CNTNAP2: variants seen among roughly 807,000 people sequenced by gnomAD.
The protein encoded by CNTNAP2 is contactin associated protein 2, also known as contactin-associated protein-like 2.
In CNTNAP2, 98 loss-of-function variants were observed where a neutral mutation model predicts 155.2. That is an observed-to-expected ratio of 0.63 (90% confidence interval 0.54 to 0.75). CNTNAP2 has a LOEUF of 0.75. Ranked by LOEUF, CNTNAP2 falls within the 30% of genes least tolerant of loss-of-function variation. The pLI, the probability that CNTNAP2 is intolerant of heterozygous loss-of-function variation, is 0.00. For missense variants in CNTNAP2, 1,727 were observed against 1,688.1 expected (o/e 1.02, Z -0.40); for synonymous variants, 651 against 631.2 (o/e 1.03, Z -0.47).
chr7:146,932,724 G>A (rs1796805084), intron 3 of CNTNAP2, among the ~76,000 whole-genome samples: 2 of 152,130 alleles, frequency 1.3e-5, no homozygotes, highest in Admixed American at 6.6e-5. Flanking sequence ...AAGCTGATAA[G>A]CAACTTCAGC....
chr7:147,157,430 C>T (rs780499639), intron 8 of CNTNAP2, among the ~76,000 whole-genome samples: 6 of 152,200 alleles, frequency 3.9e-5, no homozygotes, highest in Non-Finnish European at 7.4e-5. Flanking sequence ...ACTGTTTTTG[C>T]AAAGGCCAGT....
At chr7:147,995,531 TG>T (rs66935506) in intron 15 of CNTNAP2, among the ~76,000 whole-genome samples, 58,036 of 144,390 alleles carry the variant, frequency 0.4, 12,698 homozygotes, top group East Asian at 0.79. Flanking sequence ...ATTCTTTTGT[TG>T]TTTTTTTTTT....
intron 1 of CNTNAP2, among the ~76,000 whole-genome samples, chr7:146,146,581 C>T (rs976079634): frequency 5.9e-5 from 9 of 151,876 alleles, no homozygotes; most frequent in East Asian, 1.9e-4. Context: ...TTAGCATATG[C>T]GTTTGTCTTT....
chr7:146,898,420 C>A (rs1405398394), intron 3 of CNTNAP2, among the ~76,000 whole-genome samples: 1 of 151,666 alleles, frequency 6.6e-6, no homozygotes, highest in Non-Finnish European at 1.5e-5. Flanking sequence ...ATTTTCTGAA[C>A]ATTTGCTTTC....
chr7:146,498,681 CA>C (rs35142261), intron 1 of CNTNAP2, among the ~76,000 whole-genome samples: 63,710 of 140,100 alleles, frequency 0.45, 14,888 homozygotes, highest in African/African-American at 0.67. Flanking sequence ...AAGAAAGTTG[CA>C]AAAAAAAAAA....
intron 1 of CNTNAP2, among the ~76,000 whole-genome samples, chr7:146,708,351 A>C (rs1450648478): frequency 6.6e-6 from 1 of 152,038 alleles, no homozygotes; most frequent in Non-Finnish European, 1.5e-5. Flanking sequence ...ATAATCAATA[A>C]GGTAACCACT....
At chr7:148,113,662 C>T (rs1037427393) in intron 15 of CNTNAP2, among the ~76,000 whole-genome samples, 2 of 152,226 alleles carry the variant, frequency 1.3e-5, no homozygotes, top group African/African-American at 4.8e-5. Context: ...TTTGCAGGCT[C>T]AGCCCCGCTC....
At chr7:147,294,559 T>C (rs1805387177) in intron 8 of CNTNAP2, among the ~76,000 whole-genome samples, 1 of 152,338 alleles carries the variant, frequency 6.6e-6, no homozygotes, top group African/African-American at 2.4e-5. Flanking sequence ...GTGAAATTTA[T>C]GATCTCCACA....
chr7:146,931,498 C>T (rs375499148), intron 3 of CNTNAP2, among the ~76,000 whole-genome samples: 7,307 of 141,220 alleles, frequency 0.052, 451 homozygotes, highest in African/African-American at 0.14. Flanking sequence ...AGATCCAAAA[C>T]TGACACCCTA....
intron 4 of CNTNAP2, among the ~76,000 whole-genome samples, chr7:147,101,355 G>A (rs542456557): frequency 7.2e-5 from 11 of 152,172 alleles, no homozygotes; most frequent in South Asian, 2.1e-4. Flanking sequence ...TCCATTTCTC[G>A]CTCAAGCCCC....
intron 11 of CNTNAP2, among the ~76,000 whole-genome samples, chr7:147,557,290 C>T (rs1344678238): frequency 1.3e-5 from 2 of 151,980 alleles, no homozygotes; most frequent in South Asian, 2.1e-4. Context: ...ACATTTAGGA[C>T]TTGTCACTGT....
chr7:146,668,319 C>T (rs908932368), intron 1 of CNTNAP2, among the ~76,000 whole-genome samples: 4 of 151,764 alleles, frequency 2.6e-5, no homozygotes, highest in Admixed American at 6.6e-5. Context: ...GCATAAATGC[C>T]ACTTGATTAT....
intron 4 of CNTNAP2, among the ~76,000 whole-genome samples, chr7:147,048,363 G>A (rs1463083758): frequency 6.6e-6 from 1 of 152,122 alleles, no homozygotes; most frequent in African/African-American, 2.4e-5. Flanking sequence ...AGCTCAAAAG[G>A]CAGATTTTTC....
chr7:146,560,835 GTCATTA>G (rs1451336159), intron 1 of CNTNAP2, among the ~76,000 whole-genome samples: 34 of 152,108 alleles, frequency 2.2e-4, no homozygotes, highest in African/African-American at 8.2e-4. Context: ...ATACTCTTCT[GTCATTA>G]TCTGATCATC....
At chr7:147,399,211 T>C (rs1219114977) in intron 10 of CNTNAP2, among the ~76,000 whole-genome samples, 1 of 152,106 alleles carries the variant, frequency 6.6e-6, no homozygotes, top group Non-Finnish European at 1.5e-5. Context: ...TGTAGGTTAT[T>C]GTCAGGGTGT....
intron 1 of CNTNAP2, among the ~76,000 whole-genome samples, chr7:146,331,001 T>C (rs1292228533): frequency 4.6e-5 from 7 of 152,064 alleles, no homozygotes; most frequent in Non-Finnish European, 8.8e-5. Context: ...TCAGAAGGTG[T>C]TGTTCAATAA....
chr7:147,583,531 T>TATATATATATATATATATAA (rs1280154794), intron 12 of CNTNAP2, among the ~76,000 whole-genome samples: 62 of 140,582 alleles, frequency 4.4e-4, no homozygotes, highest in African/African-American at 1.6e-3. Context: ...TATATATATA[T>TATATATATATATATATATAA]AATGTCAAAC....
chr7:147,955,409 A>G (rs1468092589), intron 14 of CNTNAP2, among the ~76,000 whole-genome samples: 2 of 152,192 alleles, frequency 1.3e-5, no homozygotes, highest in African/African-American at 2.4e-5. Context: ...CATTATTCCA[A>G]AACAAAAAAA....
intron 8 of CNTNAP2, among the ~76,000 whole-genome samples, chr7:147,219,929 C>G (rs1404419054): frequency 1.3e-5 from 2 of 150,046 alleles, no homozygotes; most frequent in Admixed American, 1.3e-4. Context: ...GCACCCACCA[C>G]CACGCCCAGC....
Sources: gnomAD v4.1 joint callset for allele counts (sites outside exome capture counted in the v4.1 genomes callset) on GRCh38, gnomAD v4.1.1 for gene constraint, MANE v1.5 for transcripts, NCBI Gene and HGNC (gene_info 2026-07-23, HGNC 2026-07-21) for gene names.